NAV2: variants seen among roughly 807,000 people sequenced by gnomAD.
NAV2 encodes the protein helicase, APC down-regulated 1.
NAV2 carries 54 observed loss-of-function variants against 223.2 expected under a neutral mutation model. That is an observed-to-expected ratio of 0.24 (90% confidence interval 0.19 to 0.30). NAV2 has a LOEUF of 0.30. Ranked by LOEUF, NAV2 falls within the 10% of genes least tolerant of loss-of-function variation. The pLI is 1.00. For missense variants in NAV2, 2,806 were observed against 3,147.5 expected, an observed-to-expected ratio of 0.89 and a Z score of 2.60; for synonymous variants, 1,279 against 1,239.3, an observed-to-expected ratio of 1.03 and a Z score of -0.67.
intron 1 of NAV2, among the ~76,000 whole-genome samples, chr11:19,548,551 C>T (rs2044579787): frequency 6.6e-6 from 1 of 152,130 alleles, no homozygotes; most frequent in Non-Finnish European, 1.5e-5. Context: ...CAATGTCCTG[C>T]CATCCACGAG....
At chr11:19,524,693 A>T (rs747641822) in intron 1 of NAV2, among the ~76,000 whole-genome samples, 5 of 151,998 alleles carry the variant, frequency 3.3e-5, no homozygotes, top group African/African-American at 7.3e-5. Context: ...AAGTTTGGGG[A>T]CTTTATTGTT....
chr11:19,449,686 T>A (rs2702653), intron 1 of NAV2, among the ~76,000 whole-genome samples: 104,291 of 150,828 alleles, frequency 0.69, 36,973 homozygotes, highest in East Asian at 0.89. Flanking sequence ...ATAGTCTGTT[T>A]CCATGTCTGC....
At chr11:19,493,936 T>C (rs1412650247) in intron 1 of NAV2, among the ~76,000 whole-genome samples, 1 of 152,270 alleles carries the variant, frequency 6.6e-6, no homozygotes, top group Non-Finnish European at 1.5e-5. Flanking sequence ...CTTAATGTGC[T>C]GTGTATTTTA....
In NAV2 at chr11:19,898,211, C is replaced by T. The variant is rs566230005; in HGVS notation, c.931+5617C>T. On this transcript the variant is annotated intron_variant, in intron 6 of 37. Coordinates refer to ENST00000349880, the MANE Select transcript of NAV2 (RefSeq NM_145117.5). ...GAATAATACGGTTTTCTTCATTTTA[C>T]AGAAAGCACATCTTGATTTTCGTTA... Among the ~76,000 whole-genome samples, 28 of 152,162 alleles carry T rather than the reference C, an allele frequency of 1.8e-4. No homozygotes were observed. The South Asian group carries it at 5.8e-3, about 32-fold the overall frequency.
intron 1 of NAV2, among the ~76,000 whole-genome samples, chr11:19,412,441 A>G (rs888302498): frequency 1.1e-4 from 17 of 151,376 alleles, no homozygotes; most frequent in Admixed American, 3.9e-4. Flanking sequence ...TATAGATAAA[A>G]CTCCCATCTC....
chr11:19,927,300 G>A (rs896758510), intron 6 of NAV2, among the ~76,000 whole-genome samples: 1 of 152,230 alleles, frequency 6.6e-6, no homozygotes, highest in Non-Finnish European at 1.5e-5. Flanking sequence ...CCTGTTTAAG[G>A]GCCAGGCGTA....
rs142876229 is a variant in NAV2, at chr11:19,771,261, T to C, written c.267+57299T>C. Among the ~76,000 whole-genome samples, 659 of 152,258 alleles carry C rather than the reference T, an allele frequency of 4.3e-3. 5 individuals carry two copies. The highest frequency in any genetic ancestry group is 0.011 in the Admixed American group (174 of 15,300). On this transcript the variant is annotated intron_variant, in intron 1 of 37. Coordinates refer to ENST00000349880, the MANE Select transcript of NAV2 (RefSeq NM_145117.5). ...TCCATAACAACAAATGAAATGCACCTCTCTCCTACTATAAGAGGAGTTGTA... is the reference window on the plus strand; with the variant it reads ...TCCATAACAACAAATGAAATGCACCCCTCTCCTACTATAAGAGGAGTTGTA...
At chr11:19,958,858 T>C (rs2048118812) in intron 10 of NAV2, among the ~76,000 whole-genome samples, 1 of 152,150 alleles carries the variant, frequency 6.6e-6, no homozygotes, top group Admixed American at 6.6e-5. Context: ...AGATTCAAGA[T>C]GGAGGTTGGG....
chr11:19,381,180 G>A (rs1163413250), intron 1 of NAV2, among the ~76,000 whole-genome samples: 1 of 152,022 alleles, frequency 6.6e-6, no homozygotes, highest in Non-Finnish European at 1.5e-5. Context: ...CAAAGTTGAG[G>A]GAGATTCTCT....
At chr11:19,428,376 A>C (rs1338759833) in intron 1 of NAV2, among the ~76,000 whole-genome samples, 1 of 152,168 alleles carries the variant, frequency 6.6e-6, no homozygotes. Context: ...TGCCAGCTGC[A>C]AAGTGGGGCT....
At chr11:19,806,987 C>T (rs1408161946) in intron 1 of NAV2, among the ~76,000 whole-genome samples, 1 of 152,206 alleles carries the variant, frequency 6.6e-6, no homozygotes, top group Non-Finnish European at 1.5e-5. Context: ...TCGCACACTT[C>T]AAATATGAGG....
At chr11:19,698,518 A>C (rs565767115) in intron 1 of NAV2, among the ~76,000 whole-genome samples, 1 of 152,322 alleles carries the variant, frequency 6.6e-6, no homozygotes, top group South Asian at 2.1e-4. Context: ...CACAACCAGG[A>C]GCAGGAGCTA....
intron 1 of NAV2, among the ~76,000 whole-genome samples, chr11:19,825,147 C>T (rs1219278044): frequency 6.6e-6 from 1 of 151,778 alleles, no homozygotes; most frequent in Non-Finnish European, 1.5e-5. Context: ...CAAAAATTAG[C>T]TGGGCATGGT....
At chr11:19,593,566 C>A (rs2046119942) in intron 1 of NAV2, among the ~76,000 whole-genome samples, 1 of 152,096 alleles carries the variant, frequency 6.6e-6, no homozygotes, top group Admixed American at 6.6e-5. Flanking sequence ...CTTGGGGGTG[C>A]CATTGTTGAG....
At chr11:19,622,187 A>G (rs1030920844) in intron 1 of NAV2, among the ~76,000 whole-genome samples, 1 of 152,186 alleles carries the variant, frequency 6.6e-6, no homozygotes, top group Non-Finnish European at 1.5e-5. Flanking sequence ...TACGTGGTCA[A>G]TTTTGGGATA....
chr11:20,092,017 C>T (rs933665557), intron 27 of NAV2, among the ~76,000 whole-genome samples, 189 bp from the exon 28 acceptor site: 1 of 152,188 alleles, frequency 6.6e-6, no homozygotes, highest in Non-Finnish European at 1.5e-5. Context: ...ATGGATGGAC[C>T]TCCCATGGCA....
intron 1 of NAV2, among the ~76,000 whole-genome samples, chr11:19,664,362 G>A (rs1458375643): frequency 1.3e-5 from 2 of 152,170 alleles, no homozygotes; most frequent in Admixed American, 1.3e-4. Flanking sequence ...CTGAAGGTGA[G>A]CTAGATTTGC....
chr11:19,665,620 C>G (rs1019400398), intron 1 of NAV2, among the ~76,000 whole-genome samples: 1 of 152,166 alleles, frequency 6.6e-6, no homozygotes, highest in Non-Finnish European at 1.5e-5. Context: ...AGATGCTCAG[C>G]TGGGCATTAC....
intron 1 of NAV2, among the ~76,000 whole-genome samples, chr11:19,696,476 C>T (rs1428031102): frequency 1.3e-5 from 2 of 152,196 alleles, no homozygotes; most frequent in East Asian, 3.9e-4. Context: ...TCTATTGTTC[C>T]TAGTTTTCCA....
Sources: allele counts gnomAD v4.1 joint callset (sites outside exome capture counted in the v4.1 genomes callset), GRCh38; gene constraint gnomAD v4.1.1; transcripts MANE v1.5; gene names NCBI Gene and HGNC (gene_info 2026-07-23, HGNC 2026-07-21).